The following LIMS2 variants were observed in gnomAD, a reference collection of about 807,000 sequenced individuals.
LIMS2 encodes LIM zinc finger domain containing 2.
LIMS2 carries 30 observed loss-of-function variants against 45.3 expected under a neutral mutation model. The observed-to-expected ratio is 0.66, with a 90% CI of 0.50 to 0.90. The LOEUF is 0.90. LIMS2 is among the 40% of genes least tolerant of loss of function. The pLI is 0.00. For missense variants in LIMS2, 485 were observed against 468.7 expected, an observed-to-expected ratio of 1.03 and a Z score of -0.32; for synonymous variants, 173 against 188.0, an observed-to-expected ratio of 0.92 and a Z score of 0.65.
In LIMS2 at chr2:127,638,978, T is replaced by G; in HGVS notation, c.*303A>C. ...GCCAGGCGGGGAGCTGTGGTGCAATTTGCTCCTGTCCCTGGAGGTCTGTGG... is the reference window on the plus strand; with the variant it reads ...GCCAGGCGGGGAGCTGTGGTGCAATGTGCTCCTGTCCCTGGAGGTCTGTGG... On this transcript the variant is annotated 3_prime_UTR_variant, in exon 10 of 10. Transcript: ENST00000355119. The G allele has an allele frequency of 2.9e-6, 1 of 350,366 alleles. No homozygotes were observed. Among genetic ancestry groups the G allele is most frequent in the Non-Finnish European group, 5.3e-6 (1 of 190,156 alleles). 21.7% of individuals were successfully genotyped at this position (350,366 alleles called of 1,614,324 possible). A position where few individuals can be genotyped will look rare whatever the true frequency, so the allele number is the denominator to read the frequency against.
intron 1 of LIMS2, among the ~76,000 whole-genome samples, chr2:127,663,632 C>A (rs1273425069): frequency 6.6e-6 from 1 of 151,926 alleles, no homozygotes; most frequent in African/African-American, 2.4e-5. Flanking sequence ...CCCTGCCCCC[C>A]CGCCCCAGCC....
At chr2:127,650,789 C>T in intron 4 of LIMS2, 1 of 1,613,792 alleles carries the variant, frequency 6.2e-7, no homozygotes, top group Non-Finnish European at 8.5e-7. Context: ...TCTCCCTGGC[C>T]ACGGCAGAGC....
intron 1 of LIMS2, among the ~76,000 whole-genome samples, chr2:127,660,740 G>A (rs1304502887): frequency 6.6e-6 from 1 of 152,254 alleles, no homozygotes; most frequent in African/African-American, 2.4e-5. Context: ...AGGAGCCAAT[G>A]CTGGACACAC....
chr2:127,660,425 A>G (rs370612941), intron 1 of LIMS2, among the ~76,000 whole-genome samples: 1 of 152,204 alleles, frequency 6.6e-6, no homozygotes, highest in Non-Finnish European at 1.5e-5. Flanking sequence ...TGTAATGTTC[A>G]CAGCGAAGGT....
Position 127,642,997 on chromosome 2 carries a change from C to G in LIMS2, c.435G>C (p.Leu145=). 1 of 1,578,138 alleles carries G rather than the reference C, an allele frequency of 6.3e-7. No homozygotes were observed. The highest frequency in any genetic ancestry group is 8.6e-7 in the Non-Finnish European group (1 of 1,162,126). The change falls in exon 5 of 10, where the codon CTG becomes CTC. Residue 145 remains leucine, a synonymous_variant. Coordinates refer to ENST00000355119, the MANE Select transcript of LIMS2 (RefSeq NM_001161403.3). The surrounding 1 kb of genome is among the most constrained non-coding windows in gnomAD (Gnocchi z 5.3). ...LGKYICQRCH[L]VIDEQPLMFR... ...ACATGAGGGGCTGCTCGTCGATGAC[C>G]AGGTGGCACCGCTGGCAGATGTACT...
intron 4 of LIMS2, 118 bp from the exon 5 acceptor site, chr2:127,643,190 G>T: frequency 1.8e-6 from 2 of 1,135,516 alleles, no homozygotes; most frequent in Non-Finnish European, 2.5e-6. Flanking sequence ...CTTCAAAGGG[G>T]CTCAGCCCAG....
chr2:127,650,758 C>T (rs1336616747), intron 4 of LIMS2: 3 of 1,613,516 alleles, frequency 1.9e-6, no homozygotes, highest in Non-Finnish European at 2.5e-6. Flanking sequence ...GAAGTGGCTC[C>T]CCCAGGTCTG....
rs1470026321 is a variant in LIMS2 at position 127,675,102 on chromosome 2, C to T, written c.-78G>A. Reference sequence around the variant, plus strand: ...TGCTGCTGCAGCCGCCAGCCGAGCGCCCGCCCGCCAGCCCGGGCCGCGGAG... The same window carrying T: ...TGCTGCTGCAGCCGCCAGCCGAGCGTCCGCCCGCCAGCCCGGGCCGCGGAG... On this transcript the variant is annotated 5_prime_UTR_variant, in exon 1 of 10. Transcript: ENST00000355119. 1 of 1,209,782 alleles carries T rather than the reference C, an allele frequency of 8.3e-7. No homozygotes were observed. The highest frequency in any genetic ancestry group is 1.0e-6 in the Non-Finnish European group (1 of 968,272). The allele number at this position is 1,209,782 out of a possible 1,614,324, so 74.9% of individuals were successfully genotyped here. A position where few individuals can be genotyped will look rare whatever the true frequency, so the allele number is the denominator to read the frequency against.
chr2:127,674,928 G>A, intron 1 of LIMS2, 86 bp downstream of exon 1: 2 of 1,222,952 alleles, frequency 1.6e-6, no homozygotes, highest in Admixed American at 8.6e-5. Context: ...GTGGCGCCGC[G>A]GGGCTGTACG....
At chr2:127,654,592 C>G in intron 3 of LIMS2, 48 bp from the exon 4 acceptor site, 1 of 1,612,564 alleles carries the variant, frequency 6.2e-7, no homozygotes, top group African/African-American at 1.3e-5. Flanking sequence ...TGCCTGTCCC[C>G]TCTTCGGACC....
At chr2:127,665,368 C>T (rs1254597934) in intron 1 of LIMS2, among the ~76,000 whole-genome samples, 3 of 152,150 alleles carry the variant, frequency 2.0e-5, no homozygotes, top group African/African-American at 4.8e-5. Flanking sequence ...GGGAGAAAGC[C>T]TTGGAGGGGC....
exon 1 of LIMS2, chr2:127,681,325 T>C (rs1412430439): frequency 6.6e-6 from 1 of 152,390 alleles, no homozygotes; most frequent in Admixed American, 6.5e-5. Context: ...TTTACCTCTG[T>C]GGCTGAGATG....
In LIMS2 at chr2:127,640,333, G is replaced by C; in HGVS notation, c.754-15C>G. 1 of 1,611,964 alleles carries C rather than the reference G, an allele frequency of 6.2e-7. No individual in the cohort carries two copies. The highest frequency in any genetic ancestry group is 1.3e-5 in the African/African-American group (1 of 74,998). Reference sequence around the variant, plus strand: ...TCCCCGAAGAGCTGTGGGCCGAGCAGGCTGTCAGAGTAGCTGCAGGCAGTC... The same window carrying C: ...TCCCCGAAGAGCTGTGGGCCGAGCACGCTGTCAGAGTAGCTGCAGGCAGTC... On this transcript the variant is annotated splice_polypyrimidine_tract_variant and intron_variant, in intron 7 of 9. Coordinates refer to ENST00000355119, the MANE Select transcript of LIMS2 (RefSeq NM_001161403.3).
At chr2:127,650,773 C>T in intron 4 of LIMS2, 1 of 1,613,836 alleles carries the variant, frequency 6.2e-7, no homozygotes, top group Non-Finnish European at 8.5e-7. Context: ...GGTCTGATCA[C>T]CAACTTCTCC....
At chr2:127,666,044 A>T (rs548629213) in intron 1 of LIMS2, among the ~76,000 whole-genome samples, 38 of 152,328 alleles carry the variant, frequency 2.5e-4, no homozygotes, top group African/African-American at 8.9e-4. Context: ...ATCTCTGCAC[A>T]ACCTTACCAC....
intron 4 of LIMS2, among the ~76,000 whole-genome samples, chr2:127,644,831 A>G (rs1431019329): frequency 6.6e-6 from 1 of 152,230 alleles, no homozygotes; most frequent in Non-Finnish European, 1.5e-5. Flanking sequence ...TCTTCCAGAC[A>G]GCCGCCTGCG....
At chr2:127,678,121 A>G (rs1685541251), upstream of LIMS2, among the ~76,000 whole-genome samples, 1 of 152,224 alleles carries the variant, frequency 6.6e-6, no homozygotes, top group African/African-American at 2.4e-5. The surrounding 1 kb of genome is among the most constrained non-coding windows in gnomAD (Gnocchi z 5.3). Context: ...AAAGGTACTG[A>G]TGTCTGCAAC....
Position 127,639,389 on chromosome 2 carries a change from C to CT in LIMS2, c.917dup (p.Arg307GlufsTer114). ...CCAGCGGGAACTTCTCGTAGCACCT[C>CT]TTACACACGGGCTTCATGTCGAACT... On this transcript the variant is annotated frameshift_variant, in exon 10 of 10. Coordinates refer to ENST00000355119, the MANE Select transcript of LIMS2 (RefSeq NM_001161403.3). LOFTEE classifies it high-confidence loss of function. The CT allele has an allele frequency of 6.2e-7, 1 of 1,613,938 alleles. No individual in the cohort carries two copies. Among genetic ancestry groups the CT allele is most frequent in the East Asian group, 2.2e-5 (1 of 44,878 alleles).
chr2:127,649,534 C>T (rs183300737), intron 4 of LIMS2, among the ~76,000 whole-genome samples: 41 of 152,346 alleles, frequency 2.7e-4, no homozygotes, highest in South Asian at 2.7e-3. Flanking sequence ...AGGCCAGGTG[C>T]GCTGTCCTGC....
Sources: gnomAD v4.1 joint callset for allele counts (sites outside exome capture counted in the v4.1 genomes callset) on GRCh38, gnomAD v4.1.1 for gene constraint, Gnocchi (gnomAD v3.1) non-coding constraint, MANE v1.5 for transcripts, NCBI Gene and HGNC (gene_info 2026-07-23, HGNC 2026-07-21) for gene names.